ANO4: variants seen among roughly 807,000 people sequenced by gnomAD.
ANO4 encodes the protein anoctamin-4.
Under a neutral mutation model 141.9 loss-of-function variants are expected in ANO4, and 69 were observed. That is an observed-to-expected ratio of 0.49 (90% CI 0.40 to 0.59). The LOEUF (loss-of-function observed/expected upper bound fraction) is 0.59. Among genes scored for constraint, ANO4 ranks in the 20% least tolerant of loss-of-function variants. ANO4 has a pLI of 0.00. For synonymous variants in ANO4, 350 were observed against 394.3 expected, an observed-to-expected ratio of 0.89 and a Z score of 1.33; for missense variants, 894 against 1,162.2, an observed-to-expected ratio of 0.77 and a Z score of 3.36.
intron 14 of ANO4, among the ~76,000 whole-genome samples, chr12:101,056,581 T>C (rs2048127973): frequency 6.6e-6 from 1 of 152,126 alleles, no homozygotes; most frequent in African/African-American, 2.4e-5. Context: ...GAGTTTTATT[T>C]CTTTTTCTTG....
chr12:101,003,686 A>G (rs550443391), intron 8 of ANO4, among the ~76,000 whole-genome samples: 2 of 152,292 alleles, frequency 1.3e-5, no homozygotes, highest in Admixed American at 1.3e-4. Flanking sequence ...ACATATTTAT[A>G]TAGGAGGAAT....
At chr12:100,892,500 T>G (rs2040153698) in intron 1 of ANO4, among the ~76,000 whole-genome samples, 1 of 152,204 alleles carries the variant, frequency 6.6e-6, no homozygotes, top group South Asian at 2.1e-4. Flanking sequence ...AACAGAAGTC[T>G]GGCATTTGAG....
intron 8 of ANO4, among the ~76,000 whole-genome samples, chr12:100,995,603 T>A (rs990227892): frequency 6.6e-6 from 1 of 152,258 alleles, no homozygotes; most frequent in African/African-American, 2.4e-5. Context: ...AACTCAGCAT[T>A]GACCCATTTC....
intron 1 of ANO4, among the ~76,000 whole-genome samples, chr12:100,725,103 A>G (rs992793334): frequency 3.3e-5 from 5 of 152,162 alleles, no homozygotes; most frequent in Non-Finnish European, 7.4e-5. Flanking sequence ...TATTTTTGCA[A>G]AGTCAGTAGT....
intron 1 of ANO4, among the ~76,000 whole-genome samples, chr12:100,887,779 A>C (rs1032909062): frequency 1.3e-5 from 2 of 152,218 alleles, no homozygotes; most frequent in African/African-American, 4.8e-5. Flanking sequence ...CCAAGGTATT[A>C]CTTTTAAACT....
intron 1 of ANO4, among the ~76,000 whole-genome samples, chr12:100,859,457 T>A (rs764759607): frequency 2.6e-5 from 4 of 152,262 alleles, no homozygotes; most frequent in Middle Eastern, 3.4e-3. Flanking sequence ...GTCACTGAGA[T>A]TTGGGGAGTA....
At chr12:100,919,029 T>A (rs1238689432) in intron 2 of ANO4, among the ~76,000 whole-genome samples, 1 of 152,154 alleles carries the variant, frequency 6.6e-6, no homozygotes, top group Non-Finnish European at 1.5e-5. Flanking sequence ...AAAAAGTTTT[T>A]AAATTTAAAA....
chr12:100,947,618 C>T (rs1262292519), intron 5 of ANO4, among the ~76,000 whole-genome samples: 1 of 152,202 alleles, frequency 6.6e-6, no homozygotes, highest in Non-Finnish European at 1.5e-5. Flanking sequence ...CACACACACA[C>T]ATGCATGAGC....
chr12:100,949,506 A>G (rs946737042), intron 5 of ANO4, among the ~76,000 whole-genome samples: 3 of 152,194 alleles, frequency 2.0e-5, no homozygotes, highest in Non-Finnish European at 2.9e-5. Flanking sequence ...TGCCTTTTAT[A>G]TGGTAAGCAT....
intron 3 of ANO4, among the ~76,000 whole-genome samples, chr12:100,779,440 T>C (rs1235062198): frequency 6.6e-6 from 1 of 152,146 alleles, no homozygotes; most frequent in Non-Finnish European, 1.5e-5. Context: ...CTCAGAAGCA[T>C]GAGATGCAGC....
chr12:101,087,989 A>G (rs1218361778), intron 17 of ANO4, among the ~76,000 whole-genome samples: 1 of 152,160 alleles, frequency 6.6e-6, no homozygotes, highest in Non-Finnish European at 1.5e-5. Context: ...TGGAAGCCAG[A>G]GAGAGCTTCT....
At chr12:100,741,715 T>C (rs1188928632) in intron 3 of ANO4, among the ~76,000 whole-genome samples, 4 of 152,210 alleles carry the variant, frequency 2.6e-5, no homozygotes, top group Non-Finnish European at 2.9e-5. Context: ...AAGAAATCAC[T>C]ATCTGGGGCT....
At chr12:100,826,655 A>G (rs2036359987) in intron 1 of ANO4, among the ~76,000 whole-genome samples, 1 of 151,994 alleles carries the variant, frequency 6.6e-6, no homozygotes, top group African/African-American at 2.4e-5. Flanking sequence ...TGTAAATACA[A>G]CTTGTGAATT....
intron 1 of ANO4, among the ~76,000 whole-genome samples, chr12:100,801,719 AT>A (rs1421760212): frequency 1.5e-5 from 2 of 129,266 alleles, no homozygotes; most frequent in Non-Finnish European, 3.2e-5. Flanking sequence ...CGTGCCAGCA[AT>A]CAGGTGACTT....
At position 101,079,189 on chromosome 12, in the gene ANO4, C is replaced by A; in HGVS notation, c.1313-4C>A. ...ATGTCTTTGTCTTTCTCTGCTTGTT[C>A]CAGCAACAGTTTTCCTGGAGTTTTG... On this transcript the variant is annotated splice_region_variant and splice_polypyrimidine_tract_variant and intron_variant, in intron 14 of 27. Transcript: ENST00000392977. 6.2e-7 allele frequency: 1 copy of A among 1,613,332 alleles called. No individual in the cohort carries two copies. The highest frequency in any genetic ancestry group is 8.5e-7 in the Non-Finnish European group (1 of 1,179,428).
chr12:101,057,352 T>C (rs2048165947), intron 14 of ANO4, among the ~76,000 whole-genome samples: 1 of 152,210 alleles, frequency 6.6e-6, no homozygotes, highest in African/African-American at 2.4e-5. Flanking sequence ...TGATTTATAA[T>C]CCTTTGGGTG....
At chr12:101,111,484 T>A in intron 23 of ANO4, 79 bp from the exon 24 acceptor site, 1 of 1,350,566 alleles carries the variant, frequency 7.4e-7, no homozygotes, top group Non-Finnish European at 9.9e-7. Context: ...AAAAGGACTT[T>A]TAAAAATTAA....
chr12:100,908,903 T>C (rs2040969696), intron 2 of ANO4, among the ~76,000 whole-genome samples: 1 of 152,194 alleles, frequency 6.6e-6, no homozygotes, highest in Non-Finnish European at 1.5e-5. Context: ...CTCCTTTGAG[T>C]TTACAAACTT....
At chr12:101,083,014 C>G (rs1042664975) in intron 15 of ANO4, among the ~76,000 whole-genome samples, 1 of 152,096 alleles carries the variant, frequency 6.6e-6, no homozygotes, top group African/African-American at 2.4e-5. Context: ...GAAATAAAAT[C>G]TCAGTTTGAT....
Sources: gnomAD v4.1 joint callset for allele counts (sites outside exome capture counted in the v4.1 genomes callset) on GRCh38, gnomAD v4.1.1 for gene constraint, MANE v1.5 for transcripts, NCBI Gene and HGNC (gene_info 2026-07-23, HGNC 2026-07-21) for gene names.